Variants in RAP1GDS1 observed in about 807,000 individuals in gnomAD.
RAP1GDS1 encodes Rap1 GTPase-GDP dissociation stimulator 1, also known as RAP1, GTP-GDP dissociation stimulator 1.
In RAP1GDS1, 35 loss-of-function variants were observed where a neutral mutation model predicts 71.1. The ratio of observed to expected loss-of-function variants is 0.49; its 90% confidence interval spans 0.38 to 0.65. The LOEUF is 0.65. Ranked by LOEUF, RAP1GDS1 falls within the 30% of genes least tolerant of loss-of-function variation. The probability of loss-of-function intolerance (pLI) is 0.00; values close to 1 mark genes in which losing one functional copy is unlikely to be tolerated. For synonymous variants in RAP1GDS1, 229 were observed against 243.1 expected (o/e 0.94, Z 0.54); for missense variants, 663 against 706.1 (o/e 0.94, Z 0.69).
At chr4:98,289,069 G>T (rs769940873) in intron 1 of RAP1GDS1, among the ~76,000 whole-genome samples, 2 of 152,054 alleles carry the variant, frequency 1.3e-5, no homozygotes, top group African/African-American at 2.4e-5. Context: ...TTTGAATGGT[G>T]ACTGAATATG....
At chr4:98,304,361 G>T (rs1729011975) in intron 2 of RAP1GDS1, among the ~76,000 whole-genome samples, 1 of 152,128 alleles carries the variant, frequency 6.6e-6, no homozygotes, top group Non-Finnish European at 1.5e-5. Context: ...AGCATCTGTT[G>T]TTCCTTGACT....
chr4:98,317,483 T>C (rs1204438550), intron 2 of RAP1GDS1, among the ~76,000 whole-genome samples: 1 of 152,082 alleles, frequency 6.6e-6, no homozygotes, highest in African/African-American at 2.4e-5. Context: ...TCTACTGTCA[T>C]GGGGTAATCA....
At chr4:98,354,111 G>A (rs867729971) in intron 4 of RAP1GDS1, among the ~76,000 whole-genome samples, 8 of 148,422 alleles carry the variant, frequency 5.4e-5, no homozygotes, top group South Asian at 4.2e-4. Context: ...GCCGGACTGC[G>A]GACTGCAGTG....
At chr4:98,384,796 T>C (rs1274775497) in intron 5 of RAP1GDS1, among the ~76,000 whole-genome samples, 1 of 151,704 alleles carries the variant, frequency 6.6e-6, no homozygotes, top group Non-Finnish European at 1.5e-5. Flanking sequence ...ATAGTCTTTT[T>C]GTCAGTAATT....
intron 7 of RAP1GDS1, among the ~76,000 whole-genome samples, chr4:98,413,143 C>T (rs914398723): frequency 2.6e-5 from 4 of 152,076 alleles, no homozygotes; most frequent in Non-Finnish European, 4.4e-5. Context: ...TTATCTCAAC[C>T]GCATAAGACA....
chr4:98,392,778 A>C (rs1743912088), intron 6 of RAP1GDS1, among the ~76,000 whole-genome samples: 1 of 152,204 alleles, frequency 6.6e-6, no homozygotes, highest in Admixed American at 6.5e-5. Context: ...CGTTAGACTA[A>C]GGTTCTTCAT....
intron 14 of RAP1GDS1, among the ~76,000 whole-genome samples, chr4:98,438,469 G>A (rs1751439356): frequency 1.3e-5 from 2 of 149,650 alleles, no homozygotes; most frequent in African/African-American, 2.5e-5. Context: ...TATGGCTTAA[G>A]TGTGCAATCT....
intron 1 of RAP1GDS1, among the ~76,000 whole-genome samples, chr4:98,287,476 A>ATG (rs1412142463): frequency 6.6e-6 from 1 of 152,140 alleles, no homozygotes; most frequent in Non-Finnish European, 1.5e-5. Flanking sequence ...TAGTGGATAG[A>ATG]TGTGTGTGTA....
chr4:98,341,813 T>G (rs1052597184), intron 2 of RAP1GDS1, among the ~76,000 whole-genome samples: 1 of 152,124 alleles, frequency 6.6e-6, no homozygotes, highest in African/African-American at 2.4e-5. Flanking sequence ...ATTCCTTAAC[T>G]CCAAATCCTG....
At chr4:98,406,734 G>A (rs1040812686) in intron 7 of RAP1GDS1, among the ~76,000 whole-genome samples, 1 of 152,100 alleles carries the variant, frequency 6.6e-6, no homozygotes, top group Middle Eastern at 3.4e-3. Flanking sequence ...TTAAGAACAT[G>A]TATACTTGTC....
intron 1 of RAP1GDS1, among the ~76,000 whole-genome samples, chr4:98,286,881 C>G (rs1244797254): frequency 8.0e-6 from 1 of 125,386 alleles, no homozygotes; most frequent in African/African-American, 3.3e-5. Flanking sequence ...AGTGAAACTC[C>G]GTCTTAAAAA....
Position 98,306,937 on chromosome 4 carries a change from A to G in RAP1GDS1, c.112+13422A>G, listed in dbSNP as rs78603846. 7.8e-3 allele frequency among the ~76,000 whole-genome samples: 1,180 copies of G among 152,202 alleles called. 16 individuals carry two copies. Among genetic ancestry groups the G allele is most frequent in the African/African-American group, 0.027 (1,128 of 41,540 alleles). ...AAACAGAGAAGATTAAGGTTTCATC[A>G]TTAGGTTTCATCATTAGGTATACAT... On this transcript the variant is annotated intron_variant, in intron 2 of 14. Transcript: ENST00000408927.
intron 7 of RAP1GDS1, among the ~76,000 whole-genome samples, chr4:98,411,551 C>A (rs1410192333): frequency 6.6e-6 from 1 of 152,106 alleles, no homozygotes; most frequent in Non-Finnish European, 1.5e-5. Flanking sequence ...TGTTTTTTAT[C>A]TCATTGGTGT....
At chr4:98,371,384 G>A (rs1056591202) in intron 4 of RAP1GDS1, among the ~76,000 whole-genome samples, 35 of 152,046 alleles carry the variant, frequency 2.3e-4, no homozygotes, top group African/African-American at 7.7e-4. Context: ...CAAATCCTGG[G>A]ATTCCAGGTG....
At chr4:98,422,830 T>G (rs1305404033) in intron 12 of RAP1GDS1, among the ~76,000 whole-genome samples, 9 of 152,214 alleles carry the variant, frequency 5.9e-5, no homozygotes, top group Non-Finnish European at 1.3e-4. Flanking sequence ...AGGACCTTCC[T>G]ATTACCTGTC....
intron 2 of RAP1GDS1, among the ~76,000 whole-genome samples, chr4:98,296,720 T>C (rs990234867): frequency 2.6e-5 from 4 of 152,122 alleles, no homozygotes; most frequent in African/African-American, 9.7e-5. Flanking sequence ...GTTACTCTAT[T>C]TTATGGTTAT....
At chr4:98,415,827 C>T (rs993451650) in intron 7 of RAP1GDS1, among the ~76,000 whole-genome samples, 40 of 152,066 alleles carry the variant, frequency 2.6e-4, no homozygotes, top group African/African-American at 9.4e-4. Context: ...TCAGAAATAG[C>T]ATTTAGTAAA....
chr4:98,352,581 G>A lies in RAP1GDS1; in HGVS notation c.341G>A (p.Gly114Glu). ...CTGCTTCAAACGGGCAGGGCTCTAGGAAACATATGTTACGATAGCCGTAAG... is the reference window on the plus strand; with the variant it reads ...CTGCTTCAAACGGGCAGGGCTCTAGAAAACATATGTTACGATAGCCGTAAG... ...EVLLQTGRALGNICYDSHEGR... is the reference protein window; with the variant it reads ...EVLLQTGRALENICYDSHEGR... Residue 114 changes from glycine to glutamate, a missense_variant, in exon 4 of 15, where the codon GGA becomes GAA. Physicochemically the swap from Gly to Glu is moderately conservative, Grantham distance 98. Coordinates refer to ENST00000408927, the MANE Select transcript of RAP1GDS1 (RefSeq NM_001100427.2). The A allele has an allele frequency of 1.2e-6, 2 of 1,613,884 alleles. No individual in the cohort carries two copies. Among genetic ancestry groups the A allele is most frequent in the Non-Finnish European group, 1.7e-6 (2 of 1,179,906 alleles).
At chr4:98,435,478 T>C (rs936994569) in intron 13 of RAP1GDS1, among the ~76,000 whole-genome samples, 9 of 152,292 alleles carry the variant, frequency 5.9e-5, no homozygotes, top group African/African-American at 1.9e-4. Context: ...TACTATTTAT[T>C]AAGTAGAAGT....
Sources: gnomAD v4.1 joint callset for allele counts (sites outside exome capture counted in the v4.1 genomes callset) on GRCh38, gnomAD v4.1.1 for gene constraint, MANE v1.5 for transcripts, NCBI Gene and HGNC (gene_info 2026-07-23, HGNC 2026-07-21) for gene names.